The following RAB11FIP4 variants were observed in gnomAD, a reference collection of about 807,000 sequenced individuals.
The protein encoded by RAB11FIP4 is rab11 family-interacting protein 4.
RAB11FIP4 carries 23 observed loss-of-function variants against 74.3 expected under a neutral mutation model. The observed-to-expected ratio is 0.31, with a 90% confidence interval of 0.22 to 0.44. The LOEUF (loss-of-function observed/expected upper bound fraction) is 0.44, where lower values mean the gene tolerates loss of function less well. RAB11FIP4 is among the 20% of genes least tolerant of loss of function. The probability of loss-of-function intolerance (pLI) is 1.00; values close to 1 mark genes in which losing one functional copy is unlikely to be tolerated. For synonymous variants in RAB11FIP4, 360 were observed against 359.9 expected (o/e 1.00, Z 0.00); for missense variants, 630 against 863.9 (o/e 0.73, Z 3.39).
chr17:31,445,576 ATATTTTTTTTT>A (rs1222334099), intron 3 of RAB11FIP4, among the ~76,000 whole-genome samples: 19 of 10,014 alleles, frequency 1.9e-3, no homozygotes, highest in East Asian at 0.013. Context: ...ATATATATAT[ATATTTTTTTTT>A]TTTTTTTTTT....
chr17:31,410,356 A>G (rs2071081593), intron 1 of RAB11FIP4, among the ~76,000 whole-genome samples: 1 of 152,130 alleles, frequency 6.6e-6, no homozygotes, highest in East Asian at 1.9e-4. Flanking sequence ...AAGGAGAAAC[A>G]TACCTGCACC....
chr17:31,515,436 C>T (rs942618737), intron 3 of RAB11FIP4, among the ~76,000 whole-genome samples: 6 of 151,744 alleles, frequency 4.0e-5, no homozygotes, highest in African/African-American at 1.2e-4. Context: ...ACAGCACAGG[C>T]AGGAACCAGG....
At position 31,464,749 on chromosome 17, in the gene RAB11FIP4, C is replaced by CTT. The variant is rs58083480; in HGVS notation, c.336+30655_336+30656dup. Among the ~76,000 whole-genome samples the CTT allele has an allele frequency of 6.8e-3, 270 of 39,638 alleles. 68 individuals carry two copies. Among genetic ancestry groups the CTT allele is most frequent in the Non-Finnish European group, 8.9e-3 (212 of 23,754 alleles). The allele number at this position is 39,638 out of a possible 152,430, so 26.0% of individuals were successfully genotyped here. ...TACAGGCATGAGCCACTGTGCCCGG[C>CTT]TTTTTTTTTTTTTTTTTTTTTTTTT... is the stretch of plus-strand genomic sequence containing the variant. On this transcript the variant is annotated intron_variant, in intron 3 of 14. Transcript: ENST00000621161.
rs1337406462 is a variant in RAB11FIP4, at chr17:31,531,707, C to T, written c.1889C>T (p.Pro630Leu). Reference protein sequence around the residue: ...KIILAILDHNPSILEIKH With the variant: ...KIILAILDHNLSILEIKH ...ATCCTCGCCATCCTGGACCACAATC[C>T]CTCCATCCTCGAGATCAAACACTAA... The change falls in exon 15 of 15, where the codon CCC becomes CTC. Residue 630 changes from proline to leucine, a missense_variant. Physicochemically the swap from Pro to Leu is moderately conservative, Grantham distance 98. Coordinates refer to ENST00000621161, the MANE Select transcript of RAB11FIP4 (RefSeq NM_032932.6). The T allele has an allele frequency of 1.9e-6, 3 of 1,613,566 alleles. No homozygotes were observed. The highest frequency in any genetic ancestry group is 2.5e-6 in the Non-Finnish European group (3 of 1,179,610).
chr17:31,516,850 G>A (rs936110531), intron 3 of RAB11FIP4, among the ~76,000 whole-genome samples: 2 of 152,178 alleles, frequency 1.3e-5, no homozygotes, highest in African/African-American at 4.8e-5. Context: ...AGAATTTTCT[G>A]GGGTTTAAAT....
At chr17:31,418,635 G>A (rs1415963802) in intron 1 of RAB11FIP4, among the ~76,000 whole-genome samples, 1 of 151,636 alleles carries the variant, frequency 6.6e-6, no homozygotes, top group East Asian at 1.9e-4. Context: ...GGCTAATTTT[G>A]TTCATTTTTT....
intron 2 of RAB11FIP4, among the ~76,000 whole-genome samples, chr17:31,432,241 G>A (rs1016339591): frequency 1.3e-5 from 2 of 152,020 alleles, no homozygotes; most frequent in African/African-American, 2.4e-5. Context: ...ATGTGGGAGG[G>A]ACTCCACTTT....
intron 1 of RAB11FIP4, among the ~76,000 whole-genome samples, chr17:31,430,382 G>C (rs2071297572): frequency 7.3e-6 from 1 of 136,740 alleles, no homozygotes; most frequent in Non-Finnish European, 1.5e-5. Context: ...TTTTGAGACA[G>C]AGTCTTGCTC....
In RAB11FIP4 at chr17:31,521,290, A is replaced by G. The variant is rs746891165; in HGVS notation, c.688A>G (p.Ser230Gly). The change falls in exon 5 of 15, where the codon AGC becomes GGC. Residue 230 changes from serine (S) to glycine (G), a missense_variant. Physicochemically the swap from Ser to Gly is moderately conservative, Grantham distance 56 (BLOSUM62 0). Transcript: ENST00000621161. ...GEGDDVDCAPSSPCPDDETRT... is the reference protein window; with the variant it reads ...GEGDDVDCAPGSPCPDDETRT... ...GGGTGACGATGTGGACTGTGCCCCC[A>G]GCAGCCCTTGCCCCGATGATGAGAC... is the stretch of plus-strand genomic sequence containing the variant. The G allele has an allele frequency of 6.2e-7, 1 of 1,614,068 alleles. No homozygotes were observed. Among genetic ancestry groups the G allele is most frequent in the Non-Finnish European group, 8.5e-7 (1 of 1,179,958 alleles).
chr17:31,478,682 G>A (rs178902), intron 3 of RAB11FIP4, among the ~76,000 whole-genome samples: 56,351 of 151,930 alleles, frequency 0.37, 11,409 homozygotes, highest in Middle Eastern at 0.47. Flanking sequence ...TAGCAGCCAG[G>A]GAAATGGCAG....
intron 3 of RAB11FIP4, chr17:31,509,206 G>A (rs1373463190): frequency 6.6e-6 from 1 of 152,428 alleles, no homozygotes; most frequent in African/African-American, 2.4e-5. Flanking sequence ...GTGAAACCCT[G>A]TCTCTACAAA....
At chr17:31,454,120 T>A (rs2071555089) in intron 3 of RAB11FIP4, among the ~76,000 whole-genome samples, 1 of 152,134 alleles carries the variant, frequency 6.6e-6, no homozygotes, top group Non-Finnish European at 1.5e-5. Flanking sequence ...GAGACTGGCC[T>A]GATCACATGA....
intron 3 of RAB11FIP4, among the ~76,000 whole-genome samples, chr17:31,463,456 C>T (rs1168859487): frequency 2.0e-5 from 3 of 152,132 alleles, no homozygotes; most frequent in Non-Finnish European, 4.4e-5. Context: ...GGCACCAACA[C>T]AGGAGGCCTG....
At chr17:31,421,032 C>T (rs1040258560) in intron 1 of RAB11FIP4, among the ~76,000 whole-genome samples, 2 of 151,962 alleles carry the variant, frequency 1.3e-5, no homozygotes, top group Non-Finnish European at 2.9e-5. Context: ...TGCAGTGAGC[C>T]GAGATCACGC....
Position 31,391,916 on chromosome 17 carries a change from C to T in RAB11FIP4, c.64C>T (p.Arg22Cys), listed in dbSNP as rs1450492515. 5.6e-5 allele frequency: 76 copies of T among 1,353,476 alleles called. No homozygotes were observed. Among genetic ancestry groups the T allele is most frequent in the Non-Finnish European group, 6.2e-5 (65 of 1,049,116 alleles). The allele number at this position is 1,353,476 out of a possible 1,614,324, so 83.8% of individuals were successfully genotyped here. A position where few individuals can be genotyped will look rare whatever the true frequency, so the allele number is the denominator to read the frequency against. The change falls in exon 1 of 15, where the codon CGC becomes TGC. Residue 22 changes from arginine (R) to cysteine (C), a missense_variant. By Grantham distance (180) the Arg-to-Cys change is radical. Transcript: ENST00000621161. ...TCTGCTGCGCTCCGTGCGCCGCCTG[C>T]GCGAGGTGTTCGAGGTGTGCGGCCG... Reference protein sequence around the residue: ...AALLRSVRRLREVFEVCGRDP... With the variant: ...AALLRSVRRLCEVFEVCGRDP...
At chr17:31,523,300 G>T in intron 7 of RAB11FIP4, 1 of 588,784 alleles carries the variant, frequency 1.7e-6, no homozygotes, top group Non-Finnish European at 3.0e-6. Flanking sequence ...GTCTGCCAGG[G>T]GACCCCGGGG....
At chr17:31,395,222 A>G (rs188475979) in intron 1 of RAB11FIP4, among the ~76,000 whole-genome samples, 6 of 152,362 alleles carry the variant, frequency 3.9e-5, no homozygotes, top group African/African-American at 1.4e-4. Context: ...TGAAATATAT[A>G]TATGTATAAA....
chr17:31,461,507 T>C (rs1236742282), intron 3 of RAB11FIP4, among the ~76,000 whole-genome samples: 1 of 152,184 alleles, frequency 6.6e-6, no homozygotes, highest in Admixed American at 6.5e-5. Context: ...GATGAGAGTA[T>C]GCAGCATTTG....
At position 31,512,420 on chromosome 17, in the gene RAB11FIP4, G is replaced by GCT. The variant is rs2072468113; in HGVS notation, c.337-5230_337-5229dup. On this transcript the variant is annotated intron_variant, in intron 3 of 14. Transcript: ENST00000621161. The surrounding 1 kb of genome is among the most constrained non-coding windows in gnomAD (Gnocchi z 4.1). ...GAAACCCAGACTGCTAGGCCCCAGA[G>GCT]CTGAGCCCTCACCCAAGCCCACCCC... Among the ~76,000 whole-genome samples, 7 of 152,302 alleles carry GCT rather than the reference G, an allele frequency of 4.6e-5. No individual in the cohort carries two copies. The South Asian group carries it at 1.0e-3, about 23-fold the overall frequency.
Sources: gnomAD v4.1 joint callset for allele counts (sites outside exome capture counted in the v4.1 genomes callset) on GRCh38, gnomAD v4.1.1 for gene constraint, Gnocchi (gnomAD v3.1) non-coding constraint, MANE v1.5 for transcripts, NCBI Gene and HGNC (gene_info 2026-07-23, HGNC 2026-07-21) for gene names.